PIEZO2: variants seen among roughly 807,000 people sequenced by gnomAD.
The protein encoded by PIEZO2 is piezo-type mechanosensitive ion channel component 2.
In PIEZO2, 172 loss-of-function variants were observed where a neutral mutation model predicts 337.3. The observed-to-expected ratio is 0.51, with a 90% CI of 0.45 to 0.58. The LOEUF is 0.58. Ranked by LOEUF, PIEZO2 falls within the 20% of genes least tolerant of loss-of-function variation. The pLI, the probability that PIEZO2 is intolerant of heterozygous loss-of-function variation, is 0.00. For synonymous variants in PIEZO2, 1,251 were observed against 1,228.5 expected, an observed-to-expected ratio of 1.02 and a Z score of -0.38; for missense variants, 3,028 against 3,391.3, an observed-to-expected ratio of 0.89 and a Z score of 2.66.
rs2034339003 is a variant in PIEZO2 at position 10,973,913 on chromosome 18, G to C, written c.286+5622C>G. 5.9e-5 allele frequency among the ~76,000 whole-genome samples: 9 copies of C among 152,232 alleles called. No homozygotes were observed. In the South Asian group the frequency reaches 1.9e-3, roughly 32 times the overall value. On this transcript the variant is annotated intron_variant, in intron 3 of 55. Transcript: ENST00000674853. This position sits in a 1 kb window ranked among gnomAD's most constrained non-coding sequence, Gnocchi z 4.9. ...CTCAAATATGAAAAATTAACATCAA[G>C]AATTTCATTTGTGTGAGAATGGAAT...
rs2037535602 is a variant in PIEZO2, at chr18:10,748,949, A to T, written c.4265-319T>A. ...CTCCAACAAAGGCCACAGAGAAATA[A>T]TGTCCCAGTGCCAGTGGAAATGCTC... On this transcript the variant is annotated intron_variant, in intron 29 of 55. Coordinates refer to ENST00000674853, the MANE Select transcript of PIEZO2 (RefSeq NM_001378183.1). The surrounding 1 kb of genome is among the most constrained non-coding windows in gnomAD (Gnocchi z 5.1). Among the ~76,000 whole-genome samples, 1 of 152,138 alleles carries T rather than the reference A, an allele frequency of 6.6e-6. No homozygotes were observed. The highest frequency in any genetic ancestry group is 2.1e-4 in the South Asian group (1 of 4,824).
rs958586571 is a variant in PIEZO2 at position 11,027,277 on chromosome 18, C to T, written c.160+38850G>A. 6.6e-6 allele frequency among the ~76,000 whole-genome samples: 1 copy of T among 152,172 alleles called. No individual in the cohort carries two copies. Among genetic ancestry groups the T allele is most frequent in the East Asian group, 1.9e-4 (1 of 5,186 alleles). ...CAGCATGAGCCGTGACCCCTGAGTT[C>T]TGAGCTCCAGTCAAGGTATAACCGG... On this transcript the variant is annotated intron_variant, in intron 2 of 55. Transcript: ENST00000674853. This position sits in a 1 kb window ranked among gnomAD's most constrained non-coding sequence, Gnocchi z 4.2.
At chr18:10,733,727 C>G (rs1278527252) in intron 35 of PIEZO2, among the ~76,000 whole-genome samples, 1 of 152,210 alleles carries the variant, frequency 6.6e-6, no homozygotes, top group Non-Finnish European at 1.5e-5. Context: ...GGATTACAGG[C>G]GTGAGCCACA....
intron 36 of PIEZO2, among the ~76,000 whole-genome samples, chr18:10,719,071 T>C (rs73385116): frequency 0.045 from 6,830 of 152,060 alleles, 510 homozygotes; most frequent in African/African-American, 0.16. Context: ...TATCTTAAAA[T>C]GACATTATAG....
chr18:11,134,383 A>G (rs1173022343), intron 1 of PIEZO2, among the ~76,000 whole-genome samples: 3 of 152,188 alleles, frequency 2.0e-5, no homozygotes, highest in Admixed American at 2.0e-4. Context: ...AGTACAAACC[A>G]AAGTCCACAA....
intron 7 of PIEZO2, among the ~76,000 whole-genome samples, chr18:10,811,332 T>C (rs1435827021): frequency 6.6e-6 from 1 of 152,202 alleles, no homozygotes; most frequent in Admixed American, 6.5e-5. Flanking sequence ...CTTGTTTTGC[T>C]GCCCATTTTT....
At chr18:10,761,749 T>C (rs1251241232) in intron 23 of PIEZO2, among the ~76,000 whole-genome samples, 1 of 152,186 alleles carries the variant, frequency 6.6e-6, no homozygotes, top group African/African-American at 2.4e-5. Flanking sequence ...ATCTACCATG[T>C]GATGAAAAAT....
intron 28 of PIEZO2, among the ~76,000 whole-genome samples, chr18:10,751,399 C>G (rs1182973982): frequency 6.6e-6 from 1 of 152,164 alleles, no homozygotes; most frequent in Non-Finnish European, 1.5e-5. Context: ...GTTCTGTTGT[C>G]CTGTCTCATG....
chr18:10,698,369 A>C (rs1106779), intron 44 of PIEZO2, among the ~76,000 whole-genome samples: 17,194 of 152,120 alleles, frequency 0.11, 1,837 homozygotes, highest in African/African-American at 0.26. Flanking sequence ...TAAAAGCTTC[A>C]GACAGGAGCC....
intron 2 of PIEZO2, among the ~76,000 whole-genome samples, chr18:11,054,506 T>C (rs554458282): frequency 6.6e-6 from 1 of 152,374 alleles, no homozygotes; most frequent in South Asian, 2.1e-4. Context: ...GAACGCCTGC[T>C]ATATACATCA....
chr18:10,823,439 A>AT (rs1568100700), intron 7 of PIEZO2, among the ~76,000 whole-genome samples: 1 of 152,142 alleles, frequency 6.6e-6, no homozygotes, highest in Non-Finnish European at 1.5e-5. Context: ...ATAGCCCTGA[A>AT]TTTTTTCTCA....
At chr18:10,842,783 T>C (rs993279478) in intron 7 of PIEZO2, among the ~76,000 whole-genome samples, 13 of 152,294 alleles carry the variant, frequency 8.5e-5, no homozygotes, top group African/African-American at 3.1e-4. Flanking sequence ...AATTGGACAC[T>C]ATAAATATGT....
In PIEZO2 at chr18:11,041,394, T is replaced by C. The variant is rs143510097; in HGVS notation, c.160+24733A>G. Among the ~76,000 whole-genome samples, 261 of 152,228 alleles carry C rather than the reference T, an allele frequency of 1.7e-3. 3 individuals carry two copies. The highest frequency in any genetic ancestry group is 0.014 in the Middle Eastern group (4 of 294). On this transcript the variant is annotated intron_variant, in intron 2 of 55. Coordinates refer to ENST00000674853, the MANE Select transcript of PIEZO2 (RefSeq NM_001378183.1). ...CAGAAGCTGTGAAAGTCTGTGCAGA[T>C]TGGAGGAAAGAGTGGCCTTGGAAGT...
intron 2 of PIEZO2, among the ~76,000 whole-genome samples, chr18:11,019,797 A>G (rs1288877175): frequency 6.6e-6 from 1 of 152,194 alleles, no homozygotes; most frequent in Non-Finnish European, 1.5e-5. Context: ...GATATACTCT[A>G]TCTCATCATC....
At chr18:10,732,298 G>A (rs749757961) in intron 35 of PIEZO2, among the ~76,000 whole-genome samples, 4 of 152,224 alleles carry the variant, frequency 2.6e-5, no homozygotes, top group Non-Finnish European at 5.9e-5. Context: ...AAGCAGGCAT[G>A]CCTCTCATGC....
In PIEZO2 at chr18:10,837,524, C is replaced by G. The variant is rs2041053834; in HGVS notation, c.917+17829G>C. Among the ~76,000 whole-genome samples the G allele has an allele frequency of 6.6e-6, 1 of 152,134 alleles. No individual in the cohort carries two copies. Among genetic ancestry groups the G allele is most frequent in the Non-Finnish European group, 1.5e-5 (1 of 68,022 alleles). ...TAGAATGTTGGGGCCAGCAAGAAAG[C>G]TTGAGAACCACTGGTAGATGGTATC... On this transcript the variant is annotated intron_variant, in intron 7 of 55. Transcript: ENST00000674853. The surrounding 1 kb of genome is among the most constrained non-coding windows in gnomAD (Gnocchi z 4.4).
chr18:10,947,660 CAGAA>C (rs980312049), intron 3 of PIEZO2, among the ~76,000 whole-genome samples: 6 of 149,252 alleles, frequency 4.0e-5, no homozygotes, highest in Admixed American at 2.0e-4. Flanking sequence ...GTACAAAAGA[CAGAA>C]AGGGCACTAG....
Position 11,148,036 on chromosome 18 carries a change from T to C in PIEZO2, c.64+489A>G, listed in dbSNP as rs1246472651. 1.3e-5 allele frequency among the ~76,000 whole-genome samples: 2 copies of C among 152,216 alleles called. No individual in the cohort carries two copies. The highest frequency in any genetic ancestry group is 2.9e-5 in the Non-Finnish European group (2 of 68,030). On this transcript the variant is annotated intron_variant, in intron 1 of 55. Transcript: ENST00000674853. The surrounding 1 kb of genome is among the most constrained non-coding windows in gnomAD (Gnocchi z 5.2). ...CCTGTACCTCGTCCCTCTTTTTCTTTTTTGAATGACCGGAGTCCTTCACTT... is the reference window on the plus strand; with the variant it reads ...CCTGTACCTCGTCCCTCTTTTTCTTCTTTGAATGACCGGAGTCCTTCACTT...
chr18:10,800,289 T>A, intron 11 of PIEZO2, 48 bp downstream of exon 11: 1 of 1,501,738 alleles, frequency 6.7e-7, no homozygotes, highest in East Asian at 2.5e-5. Flanking sequence ...GAGGCCAAGC[T>A]TCTAAATGAG....
Sources: gnomAD v4.1 joint callset for allele counts (sites outside exome capture counted in the v4.1 genomes callset) on GRCh38, gnomAD v4.1.1 for gene constraint, Gnocchi (gnomAD v3.1) non-coding constraint, MANE v1.5 for transcripts, NCBI Gene and HGNC (gene_info 2026-07-23, HGNC 2026-07-21) for gene names.